Variants in ZNF407 observed in about 807,000 individuals in gnomAD.
The protein encoded by ZNF407 is zinc finger protein 407.
ZNF407 carries 17 observed loss-of-function variants against 131.2 expected under a neutral mutation model. The ratio of observed to expected loss-of-function variants is 0.13; its 90% CI spans 0.09 to 0.19. The LOEUF is 0.19. ZNF407 is among the 10% of genes least tolerant of loss of function. The probability of loss-of-function intolerance (pLI) is 1.00; values close to 1 mark genes in which losing one functional copy is unlikely to be tolerated. For missense variants in ZNF407, 2,681 were observed against 2,830.6 expected, an observed-to-expected ratio of 0.95 and a Z score of 1.20; for synonymous variants, 1,156 against 1,062.0, an observed-to-expected ratio of 1.09 and a Z score of -1.72.
intron 8 of ZNF407, among the ~76,000 whole-genome samples, chr18:74,943,421 A>T (rs1429940615): frequency 1.3e-5 from 2 of 152,122 alleles, no homozygotes; most frequent in African/African-American, 4.8e-5. Context: ...TTGCTGCCCT[A>T]TTGAAATTTC....
At chr18:74,873,539 T>C (rs1971115723) in intron 4 of ZNF407, among the ~76,000 whole-genome samples, 1 of 152,054 alleles carries the variant, frequency 6.6e-6, no homozygotes, top group South Asian at 2.1e-4. Flanking sequence ...CTAGAAAAAG[T>C]GCTTAGAATT....
intron 3 of ZNF407, among the ~76,000 whole-genome samples, chr18:74,719,226 A>G (rs1967967879): frequency 6.6e-6 from 1 of 152,172 alleles, no homozygotes; most frequent in Non-Finnish European, 1.5e-5. Context: ...TGTATAATAC[A>G]TTATTGTTAT....
intron 3 of ZNF407, among the ~76,000 whole-genome samples, chr18:74,760,648 A>T (rs1443786491): frequency 6.6e-6 from 1 of 152,150 alleles, no homozygotes; most frequent in Non-Finnish European, 1.5e-5. Context: ...GTCAAAGACA[A>T]ACCCTGAGCA....
chr18:74,869,514 G>A (rs1971057810), intron 4 of ZNF407, among the ~76,000 whole-genome samples: 1 of 152,174 alleles, frequency 6.6e-6, no homozygotes, highest in Non-Finnish European at 1.5e-5. Context: ...TTAAAGCTGT[G>A]CAAGAAACAT....
At chr18:75,055,186 C>A (rs892545364) in intron 8 of ZNF407, among the ~76,000 whole-genome samples, 21 of 152,218 alleles carry the variant, frequency 1.4e-4, no homozygotes, top group Admixed American at 1.4e-3. Flanking sequence ...GCTGGCACAT[C>A]AACTGGCTGT....
chr18:74,768,480 A>G (rs1413930501), intron 3 of ZNF407, among the ~76,000 whole-genome samples: 1 of 152,186 alleles, frequency 6.6e-6, no homozygotes, highest in Non-Finnish European at 1.5e-5. Flanking sequence ...TTATTCCTTG[A>G]CAGGAACACC....
At chr18:74,675,964 T>C (rs1458026852) in intron 3 of ZNF407, among the ~76,000 whole-genome samples, 1 of 152,194 alleles carries the variant, frequency 6.6e-6, no homozygotes, top group Non-Finnish European at 1.5e-5. Context: ...TTACACATCA[T>C]TTAGGTAGTT....
chr18:74,778,857 G>A (rs1057184646), intron 3 of ZNF407, among the ~76,000 whole-genome samples: 6 of 151,896 alleles, frequency 4.0e-5, no homozygotes, highest in Non-Finnish European at 1.5e-5. Context: ...GAAAGAATGA[G>A]GATTTATTGG....
At chr18:74,815,732 T>A (rs1970258614) in intron 4 of ZNF407, among the ~76,000 whole-genome samples, 1 of 152,190 alleles carries the variant, frequency 6.6e-6, no homozygotes, top group South Asian at 2.1e-4. Context: ...TAAATCAGTC[T>A]CTGTACAGAG....
chr18:74,971,054 C>CCCTCTGA (rs1196668413), intron 8 of ZNF407, among the ~76,000 whole-genome samples: 1 of 152,232 alleles, frequency 6.6e-6, no homozygotes, highest in Non-Finnish European at 1.5e-5. Flanking sequence ...TCTGAAGCCA[C>CCCTCTGA]AGCCTGAGCT....
At chr18:74,667,173 G>A (rs1033356238) in intron 3 of ZNF407, among the ~76,000 whole-genome samples, 4 of 152,130 alleles carry the variant, frequency 2.6e-5, no homozygotes, top group African/African-American at 7.2e-5. Flanking sequence ...CTCCACCTGC[G>A]TCTGTGCTGG....
chr18:74,609,306 G>A (rs973133538), intron 1 of ZNF407, among the ~76,000 whole-genome samples: 1 of 152,148 alleles, frequency 6.6e-6, no homozygotes, highest in Non-Finnish European at 1.5e-5. Flanking sequence ...TTTCATTGTT[G>A]TGTGAACATC....
At chr18:74,846,062 A>T (rs1459314609) in intron 4 of ZNF407, among the ~76,000 whole-genome samples, 1 of 152,194 alleles carries the variant, frequency 6.6e-6, no homozygotes, top group African/African-American at 2.4e-5. Context: ...GGTTTTTAGG[A>T]AAGTATCTAA....
In ZNF407 at chr18:75,005,499, A is replaced by T. The variant is rs191263797; in HGVS notation, c.5429-57651A>T. On this transcript the variant is annotated intron_variant, in intron 8 of 8. Coordinates refer to ENST00000299687, the MANE Select transcript of ZNF407 (RefSeq NM_017757.3). Reference sequence around the variant, plus strand: ...AGAGATTTACAAATATATATATATAAAATATGCTCTTTGGAAAATTCATTT... The same window carrying T: ...AGAGATTTACAAATATATATATATATAATATGCTCTTTGGAAAATTCATTT... Among the ~76,000 whole-genome samples the T allele has an allele frequency of 7.7e-4, 117 of 152,118 alleles. 1 individual carries two copies. Among genetic ancestry groups the T allele is most frequent in the African/African-American group, 2.2e-3 (90 of 41,460 alleles).
intron 3 of ZNF407, among the ~76,000 whole-genome samples, chr18:74,675,237 T>A (rs930008634): frequency 6.6e-6 from 1 of 152,216 alleles, no homozygotes; most frequent in Admixed American, 6.5e-5. Context: ...AGTTGCCTTT[T>A]CTTGACCAGC....
chr18:74,841,060 C>G (rs760114162), intron 4 of ZNF407, among the ~76,000 whole-genome samples: 1 of 152,228 alleles, frequency 6.6e-6, no homozygotes, highest in Non-Finnish European at 1.5e-5. Context: ...TGCTGTCTCT[C>G]TCCTGCACTG....
intron 8 of ZNF407, among the ~76,000 whole-genome samples, chr18:74,992,456 T>C (rs542429187): frequency 6.6e-6 from 1 of 152,070 alleles, no homozygotes; most frequent in East Asian, 1.9e-4. Flanking sequence ...GGCACAAGAG[T>C]GTTCTGGGTG....
chr18:74,991,056 C>T (rs1200014859), intron 8 of ZNF407, among the ~76,000 whole-genome samples: 1 of 152,148 alleles, frequency 6.6e-6, no homozygotes, highest in Non-Finnish European at 1.5e-5. Context: ...CATATGAAAC[C>T]ATTGTCTGAT....
chr18:74,633,067 A>G lies in ZNF407; in HGVS notation c.2048A>G (p.Gln683Arg). 6.2e-7 allele frequency: 1 copy of G among 1,613,768 alleles called. No individual in the cohort carries two copies. The highest frequency in any genetic ancestry group is 8.5e-7 in the Non-Finnish European group (1 of 1,179,712). Residue 683 changes from glutamine (Q) to arginine (R), a missense_variant, in exon 2 of 9, where the codon CAG becomes CGG. Transcript: ENST00000299687. ...ESMDDSGKAS[Q>R]EEPLKSRVSH... is the part of the protein sequence containing the mutation. ...ATGGATGACTCAGGAAAAGCATCTC[A>G]GGAAGAACCTCTGAAGTCCAGGGTA... is the stretch of plus-strand genomic sequence containing the variant.
Sources: gnomAD v4.1 joint callset for allele counts (sites outside exome capture counted in the v4.1 genomes callset) on GRCh38, gnomAD v4.1.1 for gene constraint, MANE v1.5 for transcripts, NCBI Gene and HGNC (gene_info 2026-07-23, HGNC 2026-07-21) for gene names.